LRPAP1: variants seen among roughly 807,000 people sequenced by gnomAD.
The protein encoded by LRPAP1 is alpha-2-macroglobulin receptor-associated protein.
A neutral mutation model predicts 39.9 loss-of-function variants in LRPAP1; 41 were observed. That is an observed-to-expected ratio of 1.03 (90% CI 0.80 to 1.33). The LOEUF is 1.33. LRPAP1 is among the 40% of genes most tolerant of loss of function. The pLI is 0.00. For synonymous variants in LRPAP1, 263 were observed against 212.7 expected, an observed-to-expected ratio of 1.24 and a Z score of -2.06; for missense variants, 565 against 482.3, an observed-to-expected ratio of 1.17 and a Z score of -1.61.
chr4:3,526,015 C>G (rs1199680218), intron 1 of LRPAP1, among the ~76,000 whole-genome samples: 1 of 152,240 alleles, frequency 6.6e-6, no homozygotes, highest in Non-Finnish European at 1.5e-5. Flanking sequence ...CCGTGCAGAG[C>G]AGAGTGGCCC....
chr4:3,529,181 G>C (rs1022528934), intron 1 of LRPAP1, among the ~76,000 whole-genome samples: 3 of 151,990 alleles, frequency 2.0e-5, no homozygotes, highest in African/African-American at 7.2e-5. Flanking sequence ...AAATTAGCCA[G>C]GCATGGTGGT....
chr4:3,516,141 G>A lies in LRPAP1; in HGVS notation c.809C>T (p.Thr270Met), dbSNP rs1370900803. The change falls in exon 6 of 8, where the codon ACG (threonine) becomes ATG (methionine). Residue 270 changes from threonine to methionine, a missense_variant. Coordinates refer to ENST00000650182, the MANE Select transcript of LRPAP1 (RefSeq NM_002337.4). Reference sequence around the variant, plus strand: ...CCGGAACGCCTCCAGCTCCTTGTCCGTGAGGTTGGCGGACTGCGCCAGGTC... The same window carrying A: ...CCGGAACGCCTCCAGCTCCTTGTCCATGAGGTTGGCGGACTGCGCCAGGTC... ...LWDLAQSANL[T>M]DKELEAFREE... The A allele has an allele frequency of 7.6e-6, 12 of 1,581,498 alleles. No individual in the cohort carries two copies. The highest frequency in any genetic ancestry group is 1.3e-5 in the African/African-American group (1 of 74,582).
chr4:3,504,957 T>TAAG lies in LRPAP1; in HGVS notation c.*8016_*8017insCTT, dbSNP rs34765033. Reference sequence around the variant, plus strand: ...GCAAGACTCCGTCTCAAGAAAAAAATAAATAACAAAGAACAGAAGACAACA... The same window carrying TAAG: ...GCAAGACTCCGTCTCAAGAAAAAAATAAGAAATAACAAAGAACAGAAGACAACA... On this transcript the variant is annotated 3_prime_UTR_variant, in exon 8 of 8. Coordinates refer to ENST00000650182, the MANE Select transcript of LRPAP1 (RefSeq NM_002337.4). Among the ~76,000 whole-genome samples the TAAG allele has an allele frequency of 0.69, 104,135 of 151,442 alleles. 36,297 individuals are homozygous for TAAG. Among genetic ancestry groups the TAAG allele is most frequent in the East Asian group, 0.93 (4,793 of 5,152 alleles).
chr4:3,518,099 C>T lies in LRPAP1; in HGVS notation c.686G>A (p.Arg229His), dbSNP rs148604784. ...SRHTELKEKL[R>H]SINQGLDRLR... ...GCGGTCCAGGCCCTGGTTGATGCTG[C>T]GCAGCTTCTCCTTCAGCTCCGTGTG... Residue 229 changes from arginine to histidine, a missense_variant, in exon 5 of 8, where the codon CGC (arginine) becomes CAC (histidine). Physicochemically the swap from Arg to His is conservative, Grantham distance 29. Transcript: ENST00000650182. The T allele has an allele frequency of 3.7e-5, 59 of 1,613,322 alleles. No individual in the cohort carries two copies. The highest frequency in any genetic ancestry group is 3.3e-4 in the Middle Eastern group (2 of 6,084).
rs368160050 is a variant in LRPAP1 at position 3,518,211 on chromosome 4, G to A, written c.593-19C>T. The stretch of plus-strand genomic sequence containing the variant: ...TGGATTTCTGTAAAACCGAAGGCAG[G>A]ACGCCATGAGGCTGGGAGTCCTCGC... On this transcript the variant is annotated intron_variant, in intron 4 of 7. Transcript: ENST00000650182. 8 of 1,602,392 alleles carry A rather than the reference G, an allele frequency of 5.0e-6. No individual in the cohort carries two copies. The highest frequency in any genetic ancestry group is 6.8e-6 in the Non-Finnish European group (8 of 1,172,172).
Position 3,516,107 on chromosome 4 carries a change from T to C in LRPAP1, c.834+9A>G. The C allele has an allele frequency of 1.3e-6, 2 of 1,565,914 alleles. No homozygotes were observed. The highest frequency in any genetic ancestry group is 4.7e-5 in the East Asian group (2 of 42,930). ...AGAGAGCTAGAAGGAGAGGGCCGTG[T>C]TTCCTTACCCGGAACGCCTCCAGCT... On this transcript the variant is annotated intron_variant, in intron 6 of 7. Coordinates refer to ENST00000650182, the MANE Select transcript of LRPAP1 (RefSeq NM_002337.4).
intron 1 of LRPAP1, among the ~76,000 whole-genome samples, chr4:3,527,980 G>T (rs189127775): frequency 6.6e-6 from 1 of 152,146 alleles, no homozygotes; most frequent in East Asian, 1.9e-4. Flanking sequence ...ATTTCACACC[G>T]CATGTCTCAC....
chr4:3,532,177 GC>G (rs1730276368), intron 1 of LRPAP1, 31 bp downstream of exon 1: 2 of 1,187,940 alleles, frequency 1.7e-6, no homozygotes, highest in African/African-American at 3.0e-5. Context: ...CCGCCCCCAG[GC>G]CCCGCTCCAC....
chr4:3,517,412 T>G (rs532632380), intron 5 of LRPAP1, among the ~76,000 whole-genome samples: 112 of 152,336 alleles, frequency 7.4e-4, no homozygotes, highest in African/African-American at 2.6e-3. Context: ...GAGCAGTGCC[T>G]GGCGTGCAGC....
At chr4:3,520,978 A>G (rs1729892752) in intron 2 of LRPAP1, among the ~76,000 whole-genome samples, 1 of 152,206 alleles carries the variant, frequency 6.6e-6, no homozygotes, top group African/African-American at 2.4e-5. Flanking sequence ...CCAACAGGAC[A>G]AGTCCTGCAC....
chr4:3,526,237 C>A (rs959310736), intron 1 of LRPAP1, among the ~76,000 whole-genome samples: 14 of 146,472 alleles, frequency 9.6e-5, no homozygotes, highest in African/African-American at 3.4e-4. Context: ...CTTCCCTGAG[C>A]ACCTGCATTC....
chr4:3,516,741 G>A (rs1485202928), intron 5 of LRPAP1, among the ~76,000 whole-genome samples: 1 of 152,238 alleles, frequency 6.6e-6, no homozygotes, highest in Non-Finnish European at 1.5e-5. Context: ...AAGGGACGCA[G>A]TGAGAGACTC....
In LRPAP1 at chr4:3,520,717, A is replaced by G. The variant is rs1217971777; in HGVS notation, c.350-524T>C. Among the ~76,000 whole-genome samples, 3 of 152,372 alleles carry G rather than the reference A, an allele frequency of 2.0e-5. No individual in the cohort carries two copies. The East Asian group carries it at 5.8e-4, about 29-fold the overall frequency. ...ACACATCTTATATTTATTGGGAGGA[A>G]AAACAGTTTCTAAAGGAGAAACGTC... On this transcript the variant is annotated intron_variant, in intron 2 of 7. Transcript: ENST00000650182.
At chr4:3,532,170 C>T in intron 1 of LRPAP1, 39 bp downstream of exon 1, 2 of 1,543,472 alleles carry the variant, frequency 1.3e-6, no homozygotes, top group East Asian at 2.5e-5. Flanking sequence ...ACGGCCCCCG[C>T]CCCCAGGCCC....
chr4:3,517,919 C>T (rs544892961), intron 5 of LRPAP1, 115 bp downstream of exon 5: 140 of 1,355,490 alleles, frequency 1.0e-4, no homozygotes, highest in East Asian at 3.1e-4. Flanking sequence ...CGAGGGTCTC[C>T]GCTGCGTCCA....
chr4:3,513,637 CAG>C (rs1729603383), intron 7 of LRPAP1, among the ~76,000 whole-genome samples: 1 of 152,264 alleles, frequency 6.6e-6, no homozygotes, highest in South Asian at 2.1e-4. Context: ...AAGCAATGAC[CAG>C]AGAGACTGGG....
At chr4:3,521,879 T>C (rs1729920639) in intron 2 of LRPAP1, among the ~76,000 whole-genome samples, 1 of 152,184 alleles carries the variant, frequency 6.6e-6, no homozygotes, top group Non-Finnish European at 1.5e-5. Flanking sequence ...CTCATGCCTG[T>C]GATCCCAGCA....
chr4:3,532,399 C>T lies in LRPAP1; in HGVS notation c.14G>A (p.Arg5Lys), dbSNP rs867539372. 3.2e-6 allele frequency: 5 copies of T among 1,576,198 alleles called. No individual in the cohort carries two copies. Among genetic ancestry groups the T allele is most frequent in the East Asian group, 2.3e-5 (1 of 43,090 alleles). Residue 5 changes from arginine (R) to lysine (K), a missense_variant, in exon 1 of 8, where the codon AGG (arginine) becomes AAG (lysine). Physicochemically the swap from Arg to Lys is conservative, Grantham distance 26. Coordinates refer to ENST00000650182, the MANE Select transcript of LRPAP1 (RefSeq NM_002337.4). MAPR[R>K]VRSFLRGLPA... ...GAGCCCGCGCAGAAACGACCTGACC[C>T]TCCGCGGCGCCATCTTCCTCTGCGA... is the stretch of plus-strand genomic sequence containing the variant.
chr4:3,522,808 G>C (rs1729960745), intron 2 of LRPAP1, among the ~76,000 whole-genome samples: 1 of 151,262 alleles, frequency 6.6e-6, no homozygotes, highest in Non-Finnish European at 1.5e-5. Flanking sequence ...GCGAACCCCA[G>C]AGCAGAGCAG....
Sources: gnomAD v4.1 joint callset for allele counts (sites outside exome capture counted in the v4.1 genomes callset) on GRCh38, gnomAD v4.1.1 for gene constraint, MANE v1.5 for transcripts, NCBI Gene and HGNC (gene_info 2026-07-23, HGNC 2026-07-21) for gene names.